RBKS: variants seen among roughly 807,000 people sequenced by gnomAD.
RBKS encodes ribokinase.
Under a neutral mutation model 33.9 loss-of-function variants are expected in RBKS, and 33 were observed. The ratio of observed to expected loss-of-function variants is 0.97; its 90% CI spans 0.74 to 1.30. The LOEUF (loss-of-function observed/expected upper bound fraction) is 1.30. Ranked by LOEUF, RBKS falls within the 50% of genes most tolerant of loss-of-function variation. The pLI is 0.00. For missense variants in RBKS, 361 were observed against 392.6 expected (o/e 0.92, Z 0.68); for synonymous variants, 125 against 143.0 (o/e 0.87, Z 0.90).
chr2:27,871,787 A>C (rs1459412933), intron 1 of RBKS, among the ~76,000 whole-genome samples: 1 of 152,168 alleles, frequency 6.6e-6, no homozygotes, highest in Non-Finnish European at 1.5e-5. Flanking sequence ...GTCATTTGCC[A>C]CTCACTGATA....
At chr2:27,880,183 T>C (rs2148231308) in intron 1 of RBKS, among the ~76,000 whole-genome samples, 1 of 152,296 alleles carries the variant, frequency 6.6e-6, no homozygotes, top group Admixed American at 6.5e-5. Flanking sequence ...CACACGATTA[T>C]CTCAATAGTT....
intron 7 of RBKS, among the ~76,000 whole-genome samples, chr2:27,791,643 CTAAAT>C (rs1196798037): frequency 1.1e-4 from 14 of 123,090 alleles, no homozygotes; most frequent in African/African-American, 2.0e-4. Flanking sequence ...CACACACACA[CTAAAT>C]ATACATATAC....
intron 5 of RBKS, among the ~76,000 whole-genome samples, chr2:27,842,702 G>A (rs746885437): frequency 2.6e-5 from 4 of 151,744 alleles, no homozygotes; most frequent in Non-Finnish European, 5.9e-5. Context: ...TGTCACCCAG[G>A]CTAGAGTGCA....
At chr2:27,861,265 GCCTC>G (rs1663976862) in intron 1 of RBKS, 1 of 288,104 alleles carries the variant, frequency 3.5e-6, no homozygotes, top group Non-Finnish European at 7.0e-6. Flanking sequence ...ACCGCGCCCA[GCCTC>G]CCTTTGTCTC....
intron 1 of RBKS, among the ~76,000 whole-genome samples, chr2:27,886,102 G>A (rs1307704294): frequency 1.3e-5 from 2 of 152,192 alleles, no homozygotes; most frequent in Non-Finnish European, 2.9e-5. Context: ...AGAGGATGAT[G>A]AGAAAAATAT....
At chr2:27,833,377 G>A (rs1678460462) in intron 5 of RBKS, among the ~76,000 whole-genome samples, 1 of 152,112 alleles carries the variant, frequency 6.6e-6, no homozygotes, top group Admixed American at 6.5e-5. Context: ...CTTGGCTTCT[G>A]TGAGCAATCT....
chr2:27,819,145 A>G (rs186526829), intron 7 of RBKS, among the ~76,000 whole-genome samples: 1 of 152,248 alleles, frequency 6.6e-6, no homozygotes, highest in East Asian at 1.9e-4. Flanking sequence ...AATAATAGAA[A>G]TTTATTTCTC....
chr2:27,888,119 T>C (rs1473425076), intron 1 of RBKS, among the ~76,000 whole-genome samples: 2 of 151,498 alleles, frequency 1.3e-5, no homozygotes, highest in Non-Finnish European at 2.9e-5. Context: ...TATGAGAAAA[T>C]TTTCTTTTCT....
Position 27,848,092 on chromosome 2 carries a change from G to T in RBKS, c.228C>A (p.Gly76=), listed in dbSNP as rs769632705. Residue 76 remains glycine (G), a synonymous_variant, in exon 3 of 8, where the codon GGC becomes GGA. Coordinates refer to ENST00000302188, the MANE Select transcript of RBKS (RefSeq NM_022128.3). ...TATAATCATTGCCAAAAGAATCTTT[G>T]CCAACCTGTACCAAAGAAATAATGA... ...GAMTSMVCKV[G]KDSFGNDYIE... 3 of 1,489,370 alleles carry T rather than the reference G, an allele frequency of 2.0e-6. No homozygotes were observed. Among genetic ancestry groups the T allele is most frequent in the East Asian group, 2.3e-5 (1 of 43,886 alleles). 92.3% of individuals were successfully genotyped at this position (1,489,370 alleles called of 1,614,324 possible). A position where few individuals can be genotyped will look rare whatever the true frequency, so the allele number is the denominator to read the frequency against.
intron 7 of RBKS, among the ~76,000 whole-genome samples, chr2:27,801,211 A>C (rs1677772787): frequency 6.6e-6 from 1 of 152,166 alleles, no homozygotes; most frequent in African/African-American, 2.4e-5. Context: ...CTAGCAGGGC[A>C]GTGCTGGAAC....
chr2:27,822,467 A>G (rs1245692415), intron 7 of RBKS, among the ~76,000 whole-genome samples: 1 of 152,196 alleles, frequency 6.6e-6, no homozygotes, highest in Non-Finnish European at 1.5e-5. Flanking sequence ...CATCCTTGAG[A>G]CAGCCGGGAT....
Position 27,858,503 on chromosome 2 carries a change from C to G in RBKS, c.158G>C (p.Gly53Ala), listed in dbSNP as rs745311395. 1 of 1,613,974 alleles carries G rather than the reference C, an allele frequency of 6.2e-7. No homozygotes were observed. The highest frequency in any genetic ancestry group is 1.3e-5 in the African/African-American group (1 of 74,912). Residue 53 changes from glycine (G) to alanine (A), a missense_variant, in exon 2 of 8, where the codon GGG (glycine) becomes GCG (alanine). Coordinates refer to ENST00000302188, the MANE Select transcript of RBKS (RefSeq NM_022128.3). ...TTGGACACACTGGTTGGCACCTTTC[C>G]CTCCAAAGCCAATAAAAAACTTATG... is the stretch of plus-strand genomic sequence containing the variant. ...HGHKFFIGFG[G>A]KGANQCVQAA...
intron 5 of RBKS, among the ~76,000 whole-genome samples, chr2:27,835,288 A>G (rs1002012867): frequency 6.6e-6 from 1 of 151,996 alleles, no homozygotes; most frequent in Non-Finnish European, 1.5e-5. Flanking sequence ...AAAAAAAAAA[A>G]AAGAAAAAAA....
At chr2:27,785,723 C>G (rs2148180028) in intron 7 of RBKS, among the ~76,000 whole-genome samples, 1 of 150,776 alleles carries the variant, frequency 6.6e-6, no homozygotes, top group South Asian at 2.1e-4. Flanking sequence ...GATCACACCA[C>G]TGCACTTCAG....
chr2:27,792,623 C>G (rs1677558235), intron 7 of RBKS, among the ~76,000 whole-genome samples: 1 of 152,156 alleles, frequency 6.6e-6, no homozygotes, highest in Non-Finnish European at 1.5e-5. Context: ...TATTTTTCCA[C>G]TTCCTCCCTT....
rs554246343 is a variant in RBKS at position 27,849,887 on chromosome 2, T to C, written c.223-1790A>G. ...TGGCTCAAAACCAGAAAACTATGAT[T>C]GCAAGGCCTTTGATACTAATGCTGG... is the stretch of plus-strand genomic sequence containing the variant. On this transcript the variant is annotated intron_variant, in intron 2 of 7. Coordinates refer to ENST00000302188, the MANE Select transcript of RBKS (RefSeq NM_022128.3). Among the ~76,000 whole-genome samples the C allele has an allele frequency of 1.1e-4, 16 of 152,306 alleles. No homozygotes were observed. The South Asian group carries it at 3.3e-3, about 32-fold the overall frequency.
intron 7 of RBKS, among the ~76,000 whole-genome samples, chr2:27,807,697 A>C (rs920148065): frequency 1.3e-5 from 2 of 152,140 alleles, no homozygotes; most frequent in South Asian, 4.1e-4. Flanking sequence ...TATGCTGCAA[A>C]GGTGTGGAAG....
intron 5 of RBKS, among the ~76,000 whole-genome samples, chr2:27,838,945 C>A (rs552040856): frequency 6.6e-6 from 1 of 152,220 alleles, no homozygotes; most frequent in South Asian, 2.1e-4. Context: ...GGCTAAAAGG[C>A]AGGAAAATGA....
At chr2:27,876,685 T>C (rs767540224) in intron 1 of RBKS, among the ~76,000 whole-genome samples, 5 of 152,058 alleles carry the variant, frequency 3.3e-5, no homozygotes, top group Non-Finnish European at 7.4e-5. Flanking sequence ...GAGTTATTGT[T>C]TAATAAGAAC....
Sources: gnomAD v4.1 joint callset for allele counts (sites outside exome capture counted in the v4.1 genomes callset) on GRCh38, gnomAD v4.1.1 for gene constraint, MANE v1.5 for transcripts, NCBI Gene and HGNC (gene_info 2026-07-23, HGNC 2026-07-21) for gene names.